Variants in MECOM observed in about 807,000 individuals in gnomAD.
The protein encoded by MECOM is MDS1 and EVI1 complex locus.
In MECOM, 13 loss-of-function variants were observed where a neutral mutation model predicts 116.3. The ratio of observed to expected loss-of-function variants is 0.11; its 90% confidence interval spans 0.07 to 0.18. The LOEUF (loss-of-function observed/expected upper bound fraction) is 0.18, where lower values mean the gene tolerates loss of function less well. Ranked by LOEUF, MECOM falls within the 10% of genes least tolerant of loss-of-function variation. The pLI is 1.00. For synonymous variants in MECOM, 528 were observed against 535.2 expected (o/e 0.99, Z 0.19); for missense variants, 1,299 against 1,509.0 (o/e 0.86, Z 2.31).
intron 1 of MECOM, among the ~76,000 whole-genome samples, chr3:169,401,000 A>C (rs538538689): frequency 6.6e-6 from 1 of 152,328 alleles, no homozygotes; most frequent in Admixed American, 6.5e-5. Flanking sequence ...CCAACACCAC[A>C]GTGCCATACC....
chr3:169,106,652 C>T (rs1002832176), intron 10 of MECOM, among the ~76,000 whole-genome samples: 13 of 152,062 alleles, frequency 8.5e-5, no homozygotes, highest in African/African-American at 2.7e-4. Flanking sequence ...TCTATATTGC[C>T]TTGGTAAGTT....
chr3:169,660,983 C>A (rs549463586), intron 1 of MECOM, among the ~76,000 whole-genome samples: 2 of 152,138 alleles, frequency 1.3e-5, no homozygotes, highest in East Asian at 3.9e-4. Flanking sequence ...CAGCGGCATC[C>A]TTAGAGACCC....
At chr3:169,480,775 C>T (rs1055569630) in intron 1 of MECOM, among the ~76,000 whole-genome samples, 1 of 152,078 alleles carries the variant, frequency 6.6e-6, no homozygotes, top group African/African-American at 2.4e-5. Flanking sequence ...CAGGAGGCTC[C>T]TCTCTGAAGA....
chr3:169,463,136 C>T (rs1283065677), intron 1 of MECOM, among the ~76,000 whole-genome samples: 1 of 152,142 alleles, frequency 6.6e-6, no homozygotes, highest in Non-Finnish European at 1.5e-5. Flanking sequence ...ATAACACACA[C>T]ATGTAATTTT....
intron 2 of MECOM, among the ~76,000 whole-genome samples, chr3:169,285,668 A>G (rs1713137301): frequency 6.6e-6 from 1 of 152,232 alleles, no homozygotes; most frequent in African/African-American, 2.4e-5. Context: ...CTGATTAGTT[A>G]AGATAAGATG....
chr3:169,464,469 C>G (rs1231656446), intron 1 of MECOM, among the ~76,000 whole-genome samples: 1 of 79,954 alleles, frequency 1.3e-5, no homozygotes, highest in Non-Finnish European at 2.8e-5. Context: ...GATCTCACAC[C>G]CTCTAGTTTT....
At chr3:169,409,959 T>C (rs1407127279) in intron 1 of MECOM, among the ~76,000 whole-genome samples, 1 of 152,194 alleles carries the variant, frequency 6.6e-6, no homozygotes, top group Non-Finnish European at 1.5e-5. Flanking sequence ...TATAGACAAA[T>C]TCAGATATTC....
At chr3:169,421,515 G>A (rs1739730496) in intron 1 of MECOM, among the ~76,000 whole-genome samples, 1 of 151,834 alleles carries the variant, frequency 6.6e-6, no homozygotes, top group Non-Finnish European at 1.5e-5. Flanking sequence ...TCTTTTACAT[G>A]GTCTCATGTT....
At chr3:169,450,546 T>C (rs1373411870) in intron 1 of MECOM, among the ~76,000 whole-genome samples, 3 of 149,904 alleles carry the variant, frequency 2.0e-5, no homozygotes, top group Non-Finnish European at 4.4e-5. Context: ...TTCCACTCCC[T>C]CTAGACAACA....
chr3:169,084,035 G>A lies in MECOM; in HGVS notation c.*874C>T, dbSNP rs1252071343. On this transcript the variant is annotated 3_prime_UTR_variant, in exon 17 of 17. Transcript: ENST00000651503. ...CTTGGTCCTTGAAATTCGGAAAGGG[G>A]TGTGCCTCAGACGTCATAAAGTAGT... The A allele has an allele frequency of 1.7e-5, 4 of 230,842 alleles. No homozygotes were observed. The highest frequency in any genetic ancestry group is 8.8e-5 in the African/African-American group (4 of 45,222). 14.3% of individuals were successfully genotyped at this position (230,842 alleles called of 1,614,324 possible). A position where few individuals can be genotyped will look rare whatever the true frequency, so the allele number is the denominator to read the frequency against.
At chr3:169,176,933 T>C (rs1745251309) in intron 2 of MECOM, among the ~76,000 whole-genome samples, 1 of 152,136 alleles carries the variant, frequency 6.6e-6, no homozygotes, top group African/African-American at 2.4e-5. Flanking sequence ...CTCATGCCAG[T>C]CAGAATGGCG....
chr3:169,548,144 TACTA>T (rs985821567), intron 1 of MECOM, among the ~76,000 whole-genome samples: 5 of 152,082 alleles, frequency 3.3e-5, no homozygotes, highest in Non-Finnish European at 5.9e-5. Flanking sequence ...TTAAATTAAC[TACTA>T]ACTAATGATT....
At chr3:169,570,011 C>T (rs752568762) in intron 1 of MECOM, among the ~76,000 whole-genome samples, 18 of 152,150 alleles carry the variant, frequency 1.2e-4, no homozygotes, top group African/African-American at 1.9e-4. Context: ...AGGATAGAGA[C>T]TTGAAGAACC....
At chr3:169,563,926 C>T (rs1433545093) in intron 1 of MECOM, among the ~76,000 whole-genome samples, 1 of 152,116 alleles carries the variant, frequency 6.6e-6, no homozygotes, top group African/African-American at 2.4e-5. Flanking sequence ...CAGTCTCCTC[C>T]CTCTATTTGG....
chr3:169,114,622 A>G (rs927336240), intron 8 of MECOM, among the ~76,000 whole-genome samples: 3 of 152,216 alleles, frequency 2.0e-5, no homozygotes, highest in Admixed American at 2.0e-4. Flanking sequence ...AAATGTGAAA[A>G]TGTTTGTAAT....
At position 169,116,256 on chromosome 3, in the gene MECOM, T is replaced by G. The variant is rs1399294591; in HGVS notation, c.1616A>C (p.Gln539Pro). Reference protein sequence around the residue: ...MTHPQILPATQDILKALSKHP... With the variant: ...MTHPQILPATPDILKALSKHP... ...TTTAGATAGTGCCTTCAAAATATCC[T>G]GTGTAGCTGGCAGTATCTGAGGATG... Residue 539 changes from glutamine (Q) to proline (P), a missense_variant, in exon 8 of 17, where the codon CAG becomes CCG. Gln to Pro is a moderately conservative substitution (Grantham distance 76). Transcript: ENST00000651503. 2.5e-6 allele frequency: 4 copies of G among 1,614,070 alleles called. No homozygotes were observed. The highest frequency in any genetic ancestry group is 3.4e-6 in the Non-Finnish European group (4 of 1,180,020).
chr3:169,294,774 C>A (rs1398983639), intron 2 of MECOM, among the ~76,000 whole-genome samples: 1 of 152,170 alleles, frequency 6.6e-6, no homozygotes, highest in Non-Finnish European at 1.5e-5. Flanking sequence ...ACCCTCCTGC[C>A]TCAGTCCTTC....
At chr3:169,180,793 T>TTA (rs1415631608) in intron 2 of MECOM, among the ~76,000 whole-genome samples, 9 of 71,212 alleles carry the variant, frequency 1.3e-4, no homozygotes, top group South Asian at 5.3e-4. Context: ...TGTGTGGAGA[T>TTA]GATATATATA....
rs184532668 is a variant in MECOM, at chr3:169,268,027, C to G, written c.375+113160G>C. 4.6e-5 allele frequency among the ~76,000 whole-genome samples: 7 copies of G among 152,228 alleles called. No homozygotes were observed. The East Asian group carries it at 1.4e-3, about 29-fold the overall frequency. On this transcript the variant is annotated intron_variant, in intron 2 of 16. Coordinates refer to ENST00000651503, the MANE Select transcript of MECOM (RefSeq NM_004991.4). Reference sequence around the variant, plus strand: ...GCACCACACAACCAATTAGTTATTACGTTATTCACAAGAAGCAAAAAATTG... The same window carrying G: ...GCACCACACAACCAATTAGTTATTAGGTTATTCACAAGAAGCAAAAAATTG...
Sources: gnomAD v4.1 joint callset for allele counts (sites outside exome capture counted in the v4.1 genomes callset) on GRCh38, gnomAD v4.1.1 for gene constraint, MANE v1.5 for transcripts, NCBI Gene and HGNC (gene_info 2026-07-23, HGNC 2026-07-21) for gene names.